Variants in KCNT1 observed in about 807,000 individuals in gnomAD.
KCNT1 encodes the protein potassium sodium-activated channel subfamily T member 1.
Under a neutral mutation model 147.8 loss-of-function variants are expected in KCNT1, and 78 were observed. The observed-to-expected ratio is 0.53, with a 90% CI of 0.44 to 0.64. The LOEUF (loss-of-function observed/expected upper bound fraction) is 0.64, where lower values mean the gene tolerates loss of function less well. Among genes scored for constraint, KCNT1 ranks in the 30% least tolerant of loss-of-function variants. The probability of loss-of-function intolerance (pLI) is 0.00; values close to 1 mark genes in which losing one functional copy is unlikely to be tolerated. For missense variants in KCNT1, 1,419 were observed against 1,750.3 expected (o/e 0.81, Z 3.38); for synonymous variants, 867 against 748.8 (o/e 1.16, Z -2.58).
rs1264089221 is a variant in KCNT1 at position 135,765,512 on chromosome 9, C to G, written c.1201-112C>G. ...TTCCCTCCCACCAGATGCAAGATCA[C>G]AGTGAGCTCTAGGGCCCAGAGGTGG... On this transcript the variant is annotated intron_variant, in intron 12 of 30. Transcript: ENST00000371757. 4.1e-6 allele frequency: 5 copies of G among 1,220,080 alleles called. No individual in the cohort carries two copies. In the South Asian group the frequency reaches 4.8e-5, roughly 12 times the overall value. 75.6% of individuals were successfully genotyped at this position (1,220,080 alleles called of 1,614,324 possible). A position where few individuals can be genotyped will look rare whatever the true frequency, so the allele number is the denominator to read the frequency against.
intron 20 of KCNT1, among the ~76,000 whole-genome samples, chr9:135,776,388 G>A (rs1364665579): frequency 6.6e-6 from 1 of 152,064 alleles, no homozygotes; most frequent in Non-Finnish European, 1.5e-5. Context: ...CTCCCAAGTG[G>A]CTGGGAACAC....
At chr9:135,722,248 G>A (rs2131343094) in intron 2 of KCNT1, among the ~76,000 whole-genome samples, 2 of 152,338 alleles carry the variant, frequency 1.3e-5, no homozygotes, top group Non-Finnish European at 2.9e-5. Flanking sequence ...GAGACCCTGA[G>A]AGGGCGAATC....
At chr9:135,781,428 G>A (rs1263668730) in intron 24 of KCNT1, among the ~76,000 whole-genome samples, 4 of 152,190 alleles carry the variant, frequency 2.6e-5, no homozygotes, top group Non-Finnish European at 4.4e-5. Flanking sequence ...CAAGGAGCCT[G>A]TAGAAGGCAC....
At chr9:135,725,409 C>T (rs1836094026) in intron 2 of KCNT1, among the ~76,000 whole-genome samples, 1 of 152,186 alleles carries the variant, frequency 6.6e-6, no homozygotes, top group Non-Finnish European at 1.5e-5. Context: ...GGAACAAACC[C>T]AGAGACACAG....
intron 1 of KCNT1, among the ~76,000 whole-genome samples, chr9:135,710,785 T>A (rs1482315670): frequency 6.6e-6 from 1 of 152,234 alleles, no homozygotes; most frequent in Non-Finnish European, 1.5e-5. Context: ...GTTCATCAAA[T>A]TCTGAGAAAA....
intron 2 of KCNT1, among the ~76,000 whole-genome samples, chr9:135,741,424 G>A (rs1830562605): frequency 6.6e-6 from 1 of 152,244 alleles, no homozygotes; most frequent in Non-Finnish European, 1.5e-5. Flanking sequence ...TGACACGGCT[G>A]TTGCCCTGGC....
rs1832873477 is a variant in KCNT1, at chr9:135,773,083, TG to T, written c.2243+135del. Reference sequence around the variant, plus strand: ...TTCTGGACAGCTCCGTGGAAGTCCTTGTTTGACAAATGAAATCTTCAGGGGG... The same window carrying T: ...TTCTGGACAGCTCCGTGGAAGTCCTTTTTGACAAATGAAATCTTCAGGGGG... On this transcript the variant is annotated intron_variant, in intron 19 of 30. Transcript: ENST00000371757. 1.4e-5 allele frequency: 8 copies of T among 578,686 alleles called. 1 individual carries two copies. The South Asian group carries it at 1.5e-4, about 11-fold the overall frequency. 35.8% of individuals were successfully genotyped at this position (578,686 alleles called of 1,614,324 possible).
At chr9:135,742,815 T>G in intron 2 of KCNT1, 1 of 717,110 alleles carries the variant, frequency 1.4e-6, no homozygotes, top group Admixed American at 2.0e-5. Flanking sequence ...CCTGTCTCAG[T>G]AAGTGCTTTG....
intron 4 of KCNT1, among the ~76,000 whole-genome samples, chr9:135,751,660 C>T (rs1363622239): frequency 6.6e-6 from 1 of 152,210 alleles, no homozygotes; most frequent in Non-Finnish European, 1.5e-5. Flanking sequence ...GTGGCGGCTG[C>T]TGGGACCTAC....
At chr9:135,771,690 G>A (rs1436246106) in intron 18 of KCNT1, among the ~76,000 whole-genome samples, 3 of 152,228 alleles carry the variant, frequency 2.0e-5, no homozygotes, top group African/African-American at 4.8e-5. Flanking sequence ...CCGGGGAGCC[G>A]CTTACCAGAC....
chr9:135,703,533 G>C (rs796567947), intron 1 of KCNT1, among the ~76,000 whole-genome samples: 6 of 152,188 alleles, frequency 3.9e-5, no homozygotes, highest in East Asian at 3.9e-4. Context: ...GGTGCTCTGA[G>C]GGTGGACAGT....
chr9:135,755,087 G>T (rs772138868), intron 5 of KCNT1, 34 bp from the exon 6 acceptor site: 1 of 1,581,796 alleles, frequency 6.3e-7, no homozygotes, highest in Non-Finnish European at 8.6e-7. Flanking sequence ...AGTGGCTGTG[G>T]TGCCCTACTG....
At chr9:135,734,751 T>G (rs1394015750) in intron 2 of KCNT1, among the ~76,000 whole-genome samples, 11 of 152,276 alleles carry the variant, frequency 7.2e-5, no homozygotes, top group Admixed American at 1.3e-4. Flanking sequence ...CCTCCAGCAC[T>G]GCGGTGGGCT....
At chr9:135,720,903 A>G (rs1835898899) in intron 2 of KCNT1, among the ~76,000 whole-genome samples, 1 of 152,158 alleles carries the variant, frequency 6.6e-6, no homozygotes, top group African/African-American at 2.4e-5. Context: ...CATGTGACAG[A>G]CTCAGGTGTA....
intron 2 of KCNT1, among the ~76,000 whole-genome samples, chr9:135,729,326 C>G (rs1298611931): frequency 6.6e-6 from 1 of 152,204 alleles, no homozygotes; most frequent in Non-Finnish European, 1.5e-5. Flanking sequence ...AGGAGGTGGC[C>G]CTGGGGAGCT....
At chr9:135,783,863 A>T (rs1034955054) in intron 24 of KCNT1, among the ~76,000 whole-genome samples, 161 bp from the exon 25 acceptor site, 5 of 152,254 alleles carry the variant, frequency 3.3e-5, no homozygotes, top group Non-Finnish European at 5.9e-5. Context: ...ACACATGCAG[A>T]CACACACTGT....
intron 2 of KCNT1, among the ~76,000 whole-genome samples, chr9:135,720,078 C>G (rs1259392679): frequency 6.6e-6 from 1 of 152,122 alleles, no homozygotes; most frequent in Non-Finnish European, 1.5e-5. Flanking sequence ...CTGCCGGCCC[C>G]ACAGGCAGCA....
chr9:135,756,977 TCCCCACCCTCCCCAGCCTCCCCCACCTC>T (rs748542574), intron 7 of KCNT1, 45 bp downstream of exon 7: 3 of 966,008 alleles, frequency 3.1e-6, no homozygotes, highest in East Asian at 7.3e-5. Flanking sequence ...GTCCCCACCC[TCCCCACCCTCCCCAGCCTCCCCCACCTC>T]CCCCACCCTC....
At chr9:135,769,750 G>A (rs997067779) in intron 15 of KCNT1, among the ~76,000 whole-genome samples, 197 bp from the exon 16 acceptor site, 1 of 152,190 alleles carries the variant, frequency 6.6e-6, no homozygotes, top group Non-Finnish European at 1.5e-5. Flanking sequence ...AGCGATGGAA[G>A]GTCCACCGAG....
Sources: allele counts gnomAD v4.1 joint callset (sites outside exome capture counted in the v4.1 genomes callset), GRCh38; gene constraint gnomAD v4.1.1; transcripts MANE v1.5; gene names NCBI Gene and HGNC (gene_info 2026-07-23, HGNC 2026-07-21).